Variants in CNBD1 observed in about 807,000 individuals in gnomAD.
CNBD1 encodes cyclic nucleotide-binding domain-containing protein 1.
A neutral mutation model predicts 54.4 loss-of-function variants in CNBD1; 71 were observed. That is an observed-to-expected ratio of 1.30 (90% CI 1.08 to 1.59). The LOEUF (loss-of-function observed/expected upper bound fraction) is 1.59, where lower values mean the gene tolerates loss of function less well. Ranked by LOEUF, CNBD1 falls within the 40% of genes most tolerant of loss-of-function variation. The pLI is 0.00. For missense variants in CNBD1, 659 were observed against 518.0 expected, an observed-to-expected ratio of 1.27 and a Z score of -2.64; for synonymous variants, 182 against 170.7, an observed-to-expected ratio of 1.07 and a Z score of -0.51.
Position 87,414,086 on chromosome 8 carries a change from G to A in CNBD1, c.214-14460G>A, listed in dbSNP as rs968345950. Among the ~76,000 whole-genome samples, 82 of 151,906 alleles carry A rather than the reference G, an allele frequency of 5.4e-4. 1 individual carries two copies. Among genetic ancestry groups the A allele is most frequent in the East Asian group, 5.8e-4 (3 of 5,174 alleles). ...ACACATGCACACATATGTTTATTGC[G>A]GCACTATTCACAATAGCAAAGACTT... is the stretch of plus-strand genomic sequence containing the variant. On this transcript the variant is annotated intron_variant, in intron 2 of 7. Coordinates refer to the CNBD1 transcript ENST00000521593.
chr8:87,425,904 G>A (rs538924767), intron 2 of CNBD1, among the ~76,000 whole-genome samples: 3 of 152,172 alleles, frequency 2.0e-5, no homozygotes, highest in Non-Finnish European at 4.4e-5. Context: ...AATGGCGGGC[G>A]CCCCTCCCCC....
At chr8:87,128,139 C>G (rs1812037354) in intron 4 of CNBD1, among the ~76,000 whole-genome samples, 1 of 152,220 alleles carries the variant, frequency 6.6e-6, no homozygotes, top group South Asian at 2.1e-4. Flanking sequence ...CCACCTCCAC[C>G]ACTCAATAAA....
chr8:87,355,881 G>A (rs905546631), intron 10 of CNBD1, among the ~76,000 whole-genome samples: 1 of 152,088 alleles, frequency 6.6e-6, no homozygotes, highest in African/African-American at 2.4e-5. Flanking sequence ...TTTGGGTCAA[G>A]GAGATGGATC....
intron 2 of CNBD1, among the ~76,000 whole-genome samples, chr8:87,391,442 C>T (rs1373106298): frequency 6.6e-6 from 1 of 151,928 alleles, no homozygotes; most frequent in Non-Finnish European, 1.5e-5. Flanking sequence ...GACAGACATA[C>T]ACCTCCCAAT....
chr8:86,950,325 C>A (rs2046441104), intron 4 of CNBD1, among the ~76,000 whole-genome samples: 1 of 152,058 alleles, frequency 6.6e-6, no homozygotes, highest in Admixed American at 6.5e-5. Context: ...GTCTCAGCCT[C>A]CCAAAGTGCT....
At chr8:87,420,097 C>A (rs10109381) in intron 2 of CNBD1, among the ~76,000 whole-genome samples, 1 of 151,520 alleles carries the variant, frequency 6.6e-6, no homozygotes, top group Non-Finnish European at 1.5e-5. Context: ...TGTTAATATA[C>A]CTTACCACAT....
chr8:87,085,004 T>C (rs1302263682), intron 4 of CNBD1, among the ~76,000 whole-genome samples: 2 of 152,214 alleles, frequency 1.3e-5, no homozygotes, highest in South Asian at 2.1e-4. Context: ...ACAATACTTA[T>C]GTTGTGTTTT....
intron 4 of CNBD1, among the ~76,000 whole-genome samples, chr8:87,132,826 C>T (rs907804519): frequency 6.8e-6 from 1 of 147,030 alleles, no homozygotes; most frequent in African/African-American, 2.5e-5. Flanking sequence ...TATACACACA[C>T]ATATATATAT....
chr8:87,119,965 T>C (rs1811857846), intron 4 of CNBD1, among the ~76,000 whole-genome samples: 1 of 151,970 alleles, frequency 6.6e-6, no homozygotes, highest in South Asian at 2.1e-4. Flanking sequence ...TGATGTACTG[T>C]TAGTGGTTTG....
intron 4 of CNBD1, among the ~76,000 whole-genome samples, chr8:87,068,706 G>A (rs1374628341): frequency 6.6e-6 from 1 of 152,016 alleles, no homozygotes; most frequent in South Asian, 2.1e-4. Flanking sequence ...TTTAGGTAGA[G>A]CATTATTAAA....
Position 87,288,460 on chromosome 8 carries a change from C to A in CNBD1, c.1042+1789C>A, listed in dbSNP as rs960640935. Among the ~76,000 whole-genome samples, 27 of 151,820 alleles carry A rather than the reference C, an allele frequency of 1.8e-4. No individual in the cohort carries two copies. The East Asian group carries it at 5.0e-3, about 28-fold the overall frequency. On this transcript the variant is annotated intron_variant, in intron 8 of 10. Transcript: ENST00000518476. ...GGTGATTAGAAAAGAGGAAAGAGAC[C>A]ATCATAAAGATATTTTAAATTAGGG...
At chr8:87,234,839 ACTT>A (rs1459869510) in intron 5 of CNBD1, among the ~76,000 whole-genome samples, 3 of 152,088 alleles carry the variant, frequency 2.0e-5, no homozygotes, top group Non-Finnish European at 2.9e-5. Flanking sequence ...CCAGGAATTG[ACTT>A]CTTCTCTCTT....
chr8:87,087,175 CA>C (rs59439868), intron 4 of CNBD1, among the ~76,000 whole-genome samples: 36,580 of 113,332 alleles, frequency 0.32, 5,050 homozygotes, highest in African/African-American at 0.45. Context: ...ATGTATGAGG[CA>C]AAAAAAAAAA....
intron 4 of CNBD1, among the ~76,000 whole-genome samples, chr8:86,968,096 G>C (rs925238769): frequency 6.6e-6 from 1 of 152,086 alleles, no homozygotes; most frequent in African/African-American, 2.4e-5. Flanking sequence ...TTGAAGTTGA[G>C]CATTTGCCTT....
chr8:87,353,611 C>T (rs1810351358), intron 9 of CNBD1, 25 bp from the exon 10 acceptor site: 1 of 1,469,004 alleles, frequency 6.8e-7, no homozygotes, highest in Non-Finnish European at 9.3e-7. Flanking sequence ...TTGCATTAAA[C>T]ATCAATAATA....
At chr8:87,372,100 G>T (rs1307215379) in intron 10 of CNBD1, among the ~76,000 whole-genome samples, 1 of 152,014 alleles carries the variant, frequency 6.6e-6, no homozygotes, top group Non-Finnish European at 1.5e-5. Context: ...CACTGTCTCA[G>T]CCCAAAATCT....
intron 10 of CNBD1, among the ~76,000 whole-genome samples, chr8:87,367,839 C>T (rs1178531764): frequency 6.6e-6 from 1 of 152,058 alleles, no homozygotes; most frequent in Non-Finnish European, 1.5e-5. Flanking sequence ...TGAGAGAGAA[C>T]TATGGGGAAC....
chr8:86,886,872 A>G (rs1328982203), intron 1 of CNBD1, among the ~76,000 whole-genome samples: 1 of 152,166 alleles, frequency 6.6e-6, no homozygotes, highest in Non-Finnish European at 1.5e-5. Context: ...AAGATGCTAT[A>G]ATATGCAATG....
chr8:86,926,590 A>G lies in CNBD1; in HGVS notation c.273-13006A>G, dbSNP rs556403816. ...AGTTTGAAAGGCATTGTCTGATTTC[A>G]GAAGCCTTTTCCTGTAAACACCAGG... is the stretch of plus-strand genomic sequence containing the variant. On this transcript the variant is annotated intron_variant, in intron 3 of 10. Transcript: ENST00000518476. 5.9e-5 allele frequency among the ~76,000 whole-genome samples: 9 copies of G among 152,328 alleles called. No homozygotes were observed. In the South Asian group the frequency reaches 1.9e-3, roughly 32 times the overall value.
Sources: gnomAD v4.1 joint callset for allele counts (sites outside exome capture counted in the v4.1 genomes callset) on GRCh38, gnomAD v4.1.1 for gene constraint, MANE v1.5 for transcripts, NCBI Gene and HGNC (gene_info 2026-07-23, HGNC 2026-07-21) for gene names.